The following TMEM132B variants were observed in gnomAD, a reference collection of about 807,000 sequenced individuals.
The protein encoded by TMEM132B is transmembrane protein 132B.
A neutral mutation model predicts 90.8 loss-of-function variants in TMEM132B; 18 were observed. The ratio of observed to expected loss-of-function variants is 0.20; its 90% confidence interval spans 0.14 to 0.29. TMEM132B has a LOEUF of 0.29. TMEM132B is among the 10% of genes least tolerant of loss of function. The pLI is 1.00. For missense variants in TMEM132B, 1,096 were observed against 1,326.8 expected (o/e 0.83, Z 2.70); for synonymous variants, 504 against 523.3 (o/e 0.96, Z 0.50).
rs1412194412 is a variant in TMEM132B at position 125,308,677 on chromosome 12, A to ATTT, written c.68-40775_68-40774insTTT. On this transcript the variant is annotated intron_variant, in intron 1 of 8. Coordinates refer to ENST00000682704, the MANE Select transcript of TMEM132B (RefSeq NM_001366854.1). ...AATAAAAAAAGTGAAAAGTACAAAG[A>ATTT]GTAACATAACAAATATCAGTGTATT... Among the ~76,000 whole-genome samples the ATTT allele has an allele frequency of 4.6e-5, 7 of 152,280 alleles. No homozygotes were observed. The East Asian group carries it at 1.3e-3, about 29-fold the overall frequency.
At chr12:125,554,057 T>G (rs190600250) in intron 4 of TMEM132B, among the ~76,000 whole-genome samples, 53 of 152,340 alleles carry the variant, frequency 3.5e-4, no homozygotes, top group Admixed American at 3.4e-3. Flanking sequence ...AATTGTAATA[T>G]TTATTTAGCA....
chr12:125,644,374 G>A, intron 6 of TMEM132B, 93 bp downstream of exon 6: 1 of 1,395,552 alleles, frequency 7.2e-7, no homozygotes, highest in African/African-American at 1.4e-5. Context: ...CAAGCCATTG[G>A]GAAGCAACAT....
chr12:125,332,618 TAAGACAGTAGAG>T, intron 1 of TMEM132B, among the ~76,000 whole-genome samples: 1 of 108,864 alleles, frequency 9.2e-6, no homozygotes. Flanking sequence ...TTTTTTTTTT[TAAGACAGTAGAG>T]TGCTTTGGTA....
intron 8 of TMEM132B, 147 bp downstream of exon 8, chr12:125,652,779 C>G (rs746831048): frequency 3.1e-5 from 29 of 945,546 alleles, no homozygotes; most frequent in Non-Finnish European, 4.3e-5. Flanking sequence ...GCCACCCTGT[C>G]TCTGAGAAAA....
chr12:125,608,406 T>C (rs985916651), intron 5 of TMEM132B, among the ~76,000 whole-genome samples: 2 of 152,208 alleles, frequency 1.3e-5, no homozygotes, highest in African/African-American at 4.8e-5. Flanking sequence ...TCCTTGCCCA[T>C]TTTAAAATTG....
rs541164039 is a variant in TMEM132B, at chr12:125,250,914, C to T, written c.67+64048C>T. Among the ~76,000 whole-genome samples, 5 of 152,314 alleles carry T rather than the reference C, an allele frequency of 3.3e-5. No homozygotes were observed. The South Asian group carries it at 8.3e-4, about 25-fold the overall frequency. On this transcript the variant is annotated intron_variant, in intron 1 of 8. Transcript: ENST00000682704. Reference sequence around the variant, plus strand: ...GTCTTCCTTTATTCCCTTAAAAAGCCCAGCACACTGTGCACACAACTGCCA... The same window carrying T: ...GTCTTCCTTTATTCCCTTAAAAAGCTCAGCACACTGTGCACACAACTGCCA...
intron 1 of TMEM132B, among the ~76,000 whole-genome samples, chr12:125,282,490 G>A (rs1210452164): frequency 6.6e-6 from 1 of 152,192 alleles, no homozygotes; most frequent in African/African-American, 2.4e-5. Flanking sequence ...GTCTTCCATG[G>A]CCTGCACACA....
chr12:125,447,297 AAATGGAAGGATG>A (rs1881031604), intron 3 of TMEM132B, among the ~76,000 whole-genome samples: 1 of 151,980 alleles, frequency 6.6e-6, no homozygotes, highest in African/African-American at 2.4e-5. Context: ...TTTTTGAATT[AAATGGAAGGATG>A]AAATAATTAA....
At chr12:125,269,219 A>C (rs4765238) in intron 1 of TMEM132B, among the ~76,000 whole-genome samples, 72,047 of 152,016 alleles carry the variant, frequency 0.47, 17,127 homozygotes, top group East Asian at 0.57. Flanking sequence ...GAGCATTGCC[A>C]GTGACTCGGG....
chr12:125,220,769 C>G (rs975760596), intron 1 of TMEM132B, among the ~76,000 whole-genome samples: 35 of 152,168 alleles, frequency 2.3e-4, no homozygotes, highest in African/African-American at 8.2e-4. Flanking sequence ...GGAGCGTGTA[C>G]CTCTTAAGCT....
chr12:125,243,923 C>T (rs1874147860), intron 1 of TMEM132B, among the ~76,000 whole-genome samples: 3 of 152,172 alleles, frequency 2.0e-5, no homozygotes, highest in African/African-American at 7.2e-5. Flanking sequence ...CCAACGCCCC[C>T]TCTCCCCCCA....
intron 5 of TMEM132B, among the ~76,000 whole-genome samples, chr12:125,603,726 A>T (rs959968410): frequency 1.3e-5 from 2 of 152,220 alleles, no homozygotes; most frequent in Non-Finnish European, 2.9e-5. Context: ...AATATCCAGA[A>T]TCTTCAGAAC....
At chr12:125,464,075 T>C (rs1307829076) in intron 3 of TMEM132B, among the ~76,000 whole-genome samples, 1 of 152,146 alleles carries the variant, frequency 6.6e-6, no homozygotes, top group Non-Finnish European at 1.5e-5. Context: ...CCTTGACCCA[T>C]GGGAATTATG....
chr12:125,596,644 A>G (rs1434505186), intron 5 of TMEM132B, among the ~76,000 whole-genome samples: 1 of 152,160 alleles, frequency 6.6e-6, no homozygotes, highest in Non-Finnish European at 1.5e-5. Flanking sequence ...CTTTTTTTAA[A>G]GAGTAAAGGC....
At chr12:125,583,168 G>A (rs1014315584) in intron 4 of TMEM132B, among the ~76,000 whole-genome samples, 1 of 152,128 alleles carries the variant, frequency 6.6e-6, no homozygotes, top group African/African-American at 2.4e-5. Context: ...TTGGCAGTGG[G>A]GATGGCAAAT....
chr12:125,432,095 G>T lies in TMEM132B; in HGVS notation c.1106+16418G>T, dbSNP rs545065534. 2.0e-3 allele frequency among the ~76,000 whole-genome samples: 304 copies of T among 152,008 alleles called. 3 individuals carry two copies. Among genetic ancestry groups the T allele is most frequent in the African/African-American group, 6.7e-3 (279 of 41,456 alleles). ...TGCCACGCTGCCGGGGTGTTGGTGGGGTGTGACAGGGGCTTGATTTTGTAT... is the reference window on the plus strand; with the variant it reads ...TGCCACGCTGCCGGGGTGTTGGTGGTGTGTGACAGGGGCTTGATTTTGTAT... On this transcript the variant is annotated intron_variant, in intron 3 of 8. Coordinates refer to ENST00000682704, the MANE Select transcript of TMEM132B (RefSeq NM_001366854.1).
At chr12:125,554,870 C>A (rs558986543) in intron 4 of TMEM132B, among the ~76,000 whole-genome samples, 1 of 152,136 alleles carries the variant, frequency 6.6e-6, no homozygotes, top group African/African-American at 2.4e-5. Flanking sequence ...TATTTCTTTG[C>A]TGCACTTTCC....
chr12:125,649,999 G>A (rs1194000300), intron 6 of TMEM132B, among the ~76,000 whole-genome samples: 2 of 152,136 alleles, frequency 1.3e-5, no homozygotes, highest in African/African-American at 4.8e-5. Context: ...AGTGATTTTA[G>A]ATTAGGGTAG....
At chr12:125,540,723 C>T (rs1415192281) in intron 4 of TMEM132B, among the ~76,000 whole-genome samples, 1 of 152,198 alleles carries the variant, frequency 6.6e-6, no homozygotes, top group African/African-American at 2.4e-5. Flanking sequence ...TGTAATCTCT[C>T]CTAGTTCTAC....
Sources: allele counts gnomAD v4.1 joint callset (sites outside exome capture counted in the v4.1 genomes callset), GRCh38; gene constraint gnomAD v4.1.1; transcripts MANE v1.5; gene names NCBI Gene and HGNC (gene_info 2026-07-23, HGNC 2026-07-21).